DTNBP1: variants seen among roughly 807,000 people sequenced by gnomAD.
DTNBP1 encodes the protein dysbindin.
DTNBP1 carries 35 observed loss-of-function variants against 42.8 expected under a neutral mutation model. That is an observed-to-expected ratio of 0.82 (90% CI 0.63 to 1.09). The LOEUF is 1.09. Ranked by LOEUF, DTNBP1 falls within the 50% of genes least tolerant of loss-of-function variation. The pLI, the probability that DTNBP1 is intolerant of heterozygous loss-of-function variation, is 0.00. For synonymous variants in DTNBP1, 171 were observed against 162.2 expected (o/e 1.05, Z -0.41); for missense variants, 457 against 424.2 (o/e 1.08, Z -0.68).
intron 7 of DTNBP1, chr6:15,546,131 T>TC (rs1773866984): frequency 2.6e-6 from 1 of 384,846 alleles, no homozygotes; most frequent in Admixed American, 3.1e-5. Flanking sequence ...AATGGTGCGA[T>TC]CTCGGCTCAC....
chr6:15,535,466 G>A (rs1029725817), intron 7 of DTNBP1, among the ~76,000 whole-genome samples: 2 of 152,046 alleles, frequency 1.3e-5, no homozygotes, highest in Non-Finnish European at 2.9e-5. Context: ...ACAGGAGCAC[G>A]CCACTATGCC....
intron 6 of DTNBP1, among the ~76,000 whole-genome samples, chr6:15,595,575 G>A (rs1026932182): frequency 2.6e-5 from 4 of 151,918 alleles, no homozygotes; most frequent in African/African-American, 9.7e-5. Flanking sequence ...CCAGTATTAT[G>A]GAACTTTTAA....
At position 15,559,546 on chromosome 6, in the gene DTNBP1, C is replaced by A. The variant is rs531056034; in HGVS notation, c.512-26151G>T. Among the ~76,000 whole-genome samples the A allele has an allele frequency of 4.6e-5, 7 of 152,242 alleles. No homozygotes were observed. The East Asian group carries it at 1.2e-3, about 25-fold the overall frequency. ...AGCACTTCCCAAAGCCAAATGTGCA[C>A]CAAAAAAGAGCTCACGGTCACTGTT... On this transcript the variant is annotated intron_variant, in intron 7 of 9. Coordinates refer to ENST00000344537, the MANE Select transcript of DTNBP1 (RefSeq NM_032122.5).
intron 1 of DTNBP1, among the ~76,000 whole-genome samples, chr6:15,652,890 T>G (rs549529261): frequency 6.6e-6 from 1 of 152,326 alleles, no homozygotes; most frequent in East Asian, 1.9e-4. Flanking sequence ...CCCATAGAGC[T>G]GGGATTATAG....
At chr6:15,533,592 T>C in intron 7 of DTNBP1, 197 bp from the exon 8 acceptor site, 1 of 873,622 alleles carries the variant, frequency 1.1e-6, no homozygotes, top group Non-Finnish European at 1.9e-6. Flanking sequence ...ACCTGGGCGG[T>C]CAGGGTCAGG....
chr6:15,597,468 A>T (rs1008043742), intron 6 of DTNBP1, among the ~76,000 whole-genome samples: 1 of 152,210 alleles, frequency 6.6e-6, no homozygotes, highest in Non-Finnish European at 1.5e-5. Context: ...TTTAAGTTCC[A>T]GTCACTCTCC....
intron 5 of DTNBP1, among the ~76,000 whole-genome samples, chr6:15,625,965 A>G (rs1001332820): frequency 6.6e-6 from 1 of 152,224 alleles, no homozygotes; most frequent in Non-Finnish European, 1.5e-5. Context: ...TCTAAGACCC[A>G]GAATCTCTTT....
In DTNBP1 at chr6:15,637,067, A is replaced by G. The variant is rs192918102; in HGVS notation, c.222+677T>C. Among the ~76,000 whole-genome samples the G allele has an allele frequency of 4.5e-3, 681 of 152,340 alleles. 7 individuals are homozygous for G. Among genetic ancestry groups the G allele is most frequent in the African/African-American group, 0.015 (626 of 41,570 alleles). On this transcript the variant is annotated intron_variant, in intron 4 of 9. Transcript: ENST00000344537. ...CATCATATATATTCCTGTGTTGTATATAACTATTACAGCTTCATTAATTTA... is the reference window on the plus strand; with the variant it reads ...CATCATATATATTCCTGTGTTGTATGTAACTATTACAGCTTCATTAATTTA...
At chr6:15,534,947 A>G (rs570589066) in intron 7 of DTNBP1, among the ~76,000 whole-genome samples, 11 of 152,316 alleles carry the variant, frequency 7.2e-5, no homozygotes, top group African/African-American at 2.6e-4. Flanking sequence ...TCACCTGGTC[A>G]TTCAAGCAAG....
intron 7 of DTNBP1, among the ~76,000 whole-genome samples, chr6:15,575,629 T>G (rs922178864): frequency 6.6e-6 from 1 of 152,252 alleles, no homozygotes; most frequent in Non-Finnish European, 1.5e-5. Context: ...GTGTGACATA[T>G]GTTTTCTCTT....
intron 7 of DTNBP1, among the ~76,000 whole-genome samples, chr6:15,534,032 G>A (rs966292838): frequency 6.6e-6 from 1 of 152,236 alleles, no homozygotes; most frequent in Non-Finnish European, 1.5e-5. Flanking sequence ...GCTAAGTGCA[G>A]TAAGCCGGAG....
At chr6:15,523,300 G>T (rs1772048056) in intron 9 of DTNBP1, 81 bp from the exon 10 acceptor site, 2 of 1,574,014 alleles carry the variant, frequency 1.3e-6, no homozygotes, top group African/African-American at 1.3e-5. Context: ...TGTGGAATGT[G>T]CCCGTCATGA....
At chr6:15,539,681 C>T (rs920622437) in intron 7 of DTNBP1, among the ~76,000 whole-genome samples, 1 of 152,178 alleles carries the variant, frequency 6.6e-6, no homozygotes, top group African/African-American at 2.4e-5. Context: ...TTCTAGGAGG[C>T]GTTCTCAACA....
At chr6:15,566,179 G>C (rs1176567316) in intron 7 of DTNBP1, among the ~76,000 whole-genome samples, 1 of 151,472 alleles carries the variant, frequency 6.6e-6, no homozygotes, top group South Asian at 2.1e-4. Flanking sequence ...GCCGGGCGTA[G>C]TGGCGGGCGC....
intron 7 of DTNBP1, among the ~76,000 whole-genome samples, chr6:15,576,730 C>T (rs562777439): frequency 1.3e-5 from 2 of 148,504 alleles, no homozygotes; most frequent in South Asian, 4.3e-4. Context: ...GATCACACCA[C>T]TGCACTCCAG....
intron 7 of DTNBP1, among the ~76,000 whole-genome samples, chr6:15,560,738 A>G (rs781441899): frequency 6.6e-6 from 1 of 152,230 alleles, no homozygotes; most frequent in Non-Finnish European, 1.5e-5. Flanking sequence ...ACTTTCTGAC[A>G]GGCTCAGGAG....
intron 5 of DTNBP1, 23 bp from the exon 6 acceptor site, chr6:15,615,422 A>T: frequency 6.2e-7 from 1 of 1,613,066 alleles, no homozygotes; most frequent in Non-Finnish European, 8.5e-7. Context: ...AAAAATAAAC[A>T]GACCTCAAAA....
intron 7 of DTNBP1, among the ~76,000 whole-genome samples, chr6:15,562,179 C>T (rs989177760): frequency 2.0e-5 from 3 of 152,216 alleles, no homozygotes; most frequent in Admixed American, 2.0e-4. Context: ...TTATTTACTT[C>T]TCTAATAAAC....
intron 7 of DTNBP1, among the ~76,000 whole-genome samples, chr6:15,575,624 A>G (rs1346825624): frequency 6.6e-6 from 1 of 152,236 alleles, no homozygotes; most frequent in African/African-American, 2.4e-5. Context: ...TTTCAGTGTG[A>G]CATATGTTTT....
Sources: gnomAD v4.1 joint callset for allele counts (sites outside exome capture counted in the v4.1 genomes callset) on GRCh38, gnomAD v4.1.1 for gene constraint, MANE v1.5 for transcripts, NCBI Gene and HGNC (gene_info 2026-07-23, HGNC 2026-07-21) for gene names.